The following NFAT5 variants were observed in gnomAD, a reference collection of about 807,000 sequenced individuals.
NFAT5 encodes nuclear factor of activated T cells 5.
NFAT5 carries 31 observed loss-of-function variants against 166.5 expected under a neutral mutation model. The observed-to-expected ratio is 0.19, with a 90% CI of 0.14 to 0.25. NFAT5 has a LOEUF of 0.25. NFAT5 is among the 10% of genes least tolerant of loss of function. The probability of loss-of-function intolerance (pLI) is 1.00; values close to 1 mark genes in which losing one functional copy is unlikely to be tolerated. For missense variants in NFAT5, 1,449 were observed against 1,821.8 expected (o/e 0.80, Z 3.72); for synonymous variants, 612 against 639.7 (o/e 0.96, Z 0.65).
At chr16:69,604,020 C>G (rs929076744) in intron 2 of NFAT5, among the ~76,000 whole-genome samples, 3 of 151,972 alleles carry the variant, frequency 2.0e-5, no homozygotes, top group African/African-American at 7.3e-5. Context: ...TTCTAATAGC[C>G]TAGGTCAGTG....
At chr16:69,601,429 G>A (rs1394074758) in intron 2 of NFAT5, among the ~76,000 whole-genome samples, 2 of 152,104 alleles carry the variant, frequency 1.3e-5, no homozygotes, top group Admixed American at 6.5e-5. Context: ...GTGCAGTGGC[G>A]CAATCACGGC....
At chr16:69,604,727 TC>T (rs2033314708) in intron 2 of NFAT5, among the ~76,000 whole-genome samples, 1 of 152,170 alleles carries the variant, frequency 6.6e-6, no homozygotes, top group Non-Finnish European at 1.5e-5. Context: ...ATCTTCAATC[TC>T]CCCTGCCCGC....
intron 2 of NFAT5, among the ~76,000 whole-genome samples, chr16:69,609,646 G>T (rs1172200312): frequency 6.6e-6 from 1 of 151,968 alleles, no homozygotes; most frequent in East Asian, 1.9e-4. Context: ...TATGAGGTCT[G>T]AATACTTGCT....
chr16:69,591,948 A>G (rs576964561), intron 2 of NFAT5, among the ~76,000 whole-genome samples: 1 of 152,126 alleles, frequency 6.6e-6, no homozygotes, highest in Non-Finnish European at 1.5e-5. Flanking sequence ...AAAAAATTAC[A>G]AAAAGTCTTT....
intron 6 of NFAT5, among the ~76,000 whole-genome samples, chr16:69,658,483 C>CAAA (rs34050479): frequency 2.1e-5 from 2 of 96,538 alleles, no homozygotes; most frequent in Non-Finnish European, 4.4e-5. Flanking sequence ...AACTCTGTCT[C>CAAA]AAAAAAAAAA....
intron 6 of NFAT5, among the ~76,000 whole-genome samples, chr16:69,657,891 C>T (rs2035956108): frequency 6.6e-6 from 1 of 151,282 alleles, no homozygotes; most frequent in African/African-American, 2.4e-5. Context: ...CGAGACCATC[C>T]TGGCTGTCAT....
At chr16:69,591,187 C>T (rs1281974432) in intron 2 of NFAT5, among the ~76,000 whole-genome samples, 1 of 152,170 alleles carries the variant, frequency 6.6e-6, no homozygotes, top group African/African-American at 2.4e-5. Flanking sequence ...CTGCTTTGGC[C>T]TCCCAAAGTG....
chr16:69,694,603 A>G (rs1003328816), intron 13 of NFAT5, among the ~76,000 whole-genome samples: 1 of 152,188 alleles, frequency 6.6e-6, no homozygotes, highest in Non-Finnish European at 1.5e-5. Context: ...TCTATCACCT[A>G]TAGACTATAA....
At chr16:69,653,761 GCAGT>G (rs1283470285) in intron 5 of NFAT5, among the ~76,000 whole-genome samples, 2 of 151,808 alleles carry the variant, frequency 1.3e-5, no homozygotes, top group Non-Finnish European at 1.5e-5. Context: ...TAGTAGTGTC[GCAGT>G]TTCACCATGT....
intron 2 of NFAT5, among the ~76,000 whole-genome samples, chr16:69,614,108 A>T (rs993858027): frequency 6.6e-6 from 1 of 152,044 alleles, no homozygotes; most frequent in Non-Finnish European, 1.5e-5. Context: ...AGGGAGAACA[A>T]GGTAGATTGG....
At chr16:69,593,188 A>C (rs17231138) in intron 2 of NFAT5, among the ~76,000 whole-genome samples, 8,971 of 152,234 alleles carry the variant, frequency 0.059, 290 homozygotes, top group Middle Eastern at 0.11. Context: ...TGATTGGTCA[A>C]CTTTTAAAAC....
intron 10 of NFAT5, among the ~76,000 whole-genome samples, chr16:69,678,628 A>G (rs1162427157): frequency 6.6e-6 from 1 of 152,246 alleles, no homozygotes; most frequent in East Asian, 1.9e-4. Flanking sequence ...AGAAATGGGG[A>G]GAACATTTTG....
At chr16:69,665,757 C>T (rs1356119454) in intron 7 of NFAT5, among the ~76,000 whole-genome samples, 2 of 23,926 alleles carry the variant, frequency 8.4e-5, no homozygotes, top group Admixed American at 5.4e-4. Flanking sequence ...AGGTAATTTA[C>T]AGATTCAATG....
intron 2 of NFAT5, among the ~76,000 whole-genome samples, chr16:69,606,321 T>A (rs2033406902): frequency 6.6e-6 from 1 of 152,152 alleles, no homozygotes; most frequent in South Asian, 2.1e-4. Context: ...TTAAAGAAAT[T>A]GGCTGAACGG....
intron 2 of NFAT5, among the ~76,000 whole-genome samples, chr16:69,584,366 A>G (rs1253639347): frequency 1.3e-5 from 2 of 150,964 alleles, no homozygotes; most frequent in South Asian, 2.1e-4. Context: ...CTGGACTGCA[A>G]TGCAGTGAGT....
intron 13 of NFAT5, among the ~76,000 whole-genome samples, chr16:69,694,676 A>G (rs1479576380): frequency 1.3e-5 from 2 of 152,240 alleles, no homozygotes; most frequent in Non-Finnish European, 2.9e-5. Flanking sequence ...TGGTGATAAT[A>G]TTACATACTT....
At chr16:69,573,151 G>C (rs1296941777) in intron 2 of NFAT5, among the ~76,000 whole-genome samples, 1 of 152,036 alleles carries the variant, frequency 6.6e-6, no homozygotes, top group African/African-American at 2.4e-5. Flanking sequence ...CACAATCTTT[G>C]TTTAAATTAA....
chr16:69,670,369 T>C (rs2036577501), intron 9 of NFAT5, 81 bp downstream of exon 9: 2 of 829,754 alleles, frequency 2.4e-6, no homozygotes, highest in African/African-American at 1.8e-5. Flanking sequence ...CCTGAATCAA[T>C]AGATTAAATT....
intron 11 of NFAT5, among the ~76,000 whole-genome samples, chr16:69,689,694 G>A (rs1232082301): frequency 6.6e-6 from 1 of 152,120 alleles, no homozygotes; most frequent in African/African-American, 2.4e-5. Flanking sequence ...ACAGGCATGT[G>A]CCACCATGCC....
Sources: gnomAD v4.1 joint callset for allele counts (sites outside exome capture counted in the v4.1 genomes callset) on GRCh38, gnomAD v4.1.1 for gene constraint, MANE v1.5 for transcripts, NCBI Gene and HGNC (gene_info 2026-07-23, HGNC 2026-07-21) for gene names.